The following TPGS1 variants were observed in gnomAD, a reference collection of about 807,000 sequenced individuals.
TPGS1 encodes the protein gene trap ROSA b-geo 22.
A neutral mutation model predicts 11.9 loss-of-function variants in TPGS1; 18 were observed. The ratio of observed to expected loss-of-function variants is 1.51; its 90% CI spans 1.04 to 2.24. The LOEUF is 2.24. Among genes scored for constraint, TPGS1 ranks in the 30% most tolerant of loss-of-function variants. TPGS1 has a pLI of 0.00. For missense variants in TPGS1, 500 were observed against 443.0 expected (o/e 1.13, Z -1.16); for synonymous variants, 247 against 218.2 (o/e 1.13, Z -1.16).
In TPGS1 at chr19:511,782, G is replaced by A. The variant is rs571100770; in HGVS notation, c.338+3938G>A. On this transcript the variant is annotated intron_variant, in intron 1 of 1. Transcript: ENST00000359315. ...CACAGACCTGTCAGTCAGAAGCTGC[G>A]AGCACGACAGGAACCAACAACCCCA... is the stretch of plus-strand genomic sequence containing the variant. 3.7e-4 allele frequency among the ~76,000 whole-genome samples: 56 copies of A among 152,338 alleles called. 1 individual carries two copies. In the South Asian group the frequency reaches 9.5e-3, roughly 26 times the overall value.
intron 1 of TPGS1, among the ~76,000 whole-genome samples, chr19:515,043 G>C (rs935834108): frequency 6.6e-6 from 1 of 152,234 alleles, no homozygotes; most frequent in African/African-American, 2.4e-5. Context: ...GGGCCAGATA[G>C]TGAACATTTC....
chr19:519,470 C>A lies in TPGS1; in HGVS notation c.*47C>A. The stretch of plus-strand genomic sequence containing the variant: ...CGGGATCTGCGCTGGGGGGTCCCCG[C>A]GTGCGGGGCGCGCGGAGCCTTCCCT... On this transcript the variant is annotated 3_prime_UTR_variant, in exon 2 of 2. Coordinates refer to ENST00000359315, the MANE Select transcript of TPGS1 (RefSeq NM_033513.3). 2 of 1,180,262 alleles carry A rather than the reference C, an allele frequency of 1.7e-6. No individual in the cohort carries two copies. Among genetic ancestry groups the A allele is most frequent in the Non-Finnish European group, 2.1e-6 (2 of 953,758 alleles). 73.1% of individuals were successfully genotyped at this position (1,180,262 alleles called of 1,614,324 possible).
At chr19:507,979 T>C (rs1978676549) in intron 1 of TPGS1, 135 bp downstream of exon 1, 1 of 643,416 alleles carries the variant, frequency 1.6e-6, no homozygotes, top group Non-Finnish European at 2.3e-6. Context: ...CGATGCCTTC[T>C]TGGGTGGGAT....
intron 1 of TPGS1, among the ~76,000 whole-genome samples, chr19:512,172 A>G (rs570488552): frequency 1.4e-5 from 2 of 147,186 alleles, no homozygotes; most frequent in Non-Finnish European, 3.0e-5. Flanking sequence ...TGCCTGGCCC[A>G]GTTTTCTTTT....
intron 1 of TPGS1, among the ~76,000 whole-genome samples, chr19:511,975 C>G (rs1413624790): frequency 6.6e-6 from 1 of 152,130 alleles, no homozygotes; most frequent in Admixed American, 6.5e-5. Context: ...GGGTTGACGC[C>G]ATTCTCCTGC....
At chr19:512,577 C>T (rs1221739932) in intron 1 of TPGS1, among the ~76,000 whole-genome samples, 1 of 152,254 alleles carries the variant, frequency 6.6e-6, no homozygotes, top group Non-Finnish European at 1.5e-5. Flanking sequence ...AAGTGGGCCA[C>T]GCCCCCTCGC....
chr19:511,329 G>A (rs1978788628), intron 1 of TPGS1, among the ~76,000 whole-genome samples: 1 of 152,268 alleles, frequency 6.6e-6, no homozygotes, highest in Non-Finnish European at 1.5e-5. Flanking sequence ...CTTGAAGTGG[G>A]CTGTCACCTT....
Position 519,448 on chromosome 19 carries a change from G to T in TPGS1, c.*25G>T. ...AGGCCCGTGGGCCGCGCGGATCCGG[G>T]ATCTGCGCTGGGGGGTCCCCGCGTG... On this transcript the variant is annotated 3_prime_UTR_variant, in exon 2 of 2. Coordinates refer to ENST00000359315, the MANE Select transcript of TPGS1 (RefSeq NM_033513.3). 1 of 1,200,550 alleles carries T rather than the reference G, an allele frequency of 8.3e-7. No homozygotes were observed. The highest frequency in any genetic ancestry group is 1.0e-6 in the Non-Finnish European group (1 of 966,762). The allele number at this position is 1,200,550 out of a possible 1,614,324, so 74.4% of individuals were successfully genotyped here. A position where few individuals can be genotyped will look rare whatever the true frequency, so the allele number is the denominator to read the frequency against.
chr19:518,989 C>T lies in TPGS1; in HGVS notation c.439C>T (p.Leu147Phe). The T allele has an allele frequency of 6.3e-7, 1 of 1,581,764 alleles. No homozygotes were observed. Among genetic ancestry groups the T allele is most frequent in the Non-Finnish European group, 8.5e-7 (1 of 1,171,450 alleles). Residue 147 changes from leucine to phenylalanine, a missense_variant, in exon 2 of 2, where the codon CTC becomes TTC. Leu to Phe is a conservative substitution (Grantham distance 22). Transcript: ENST00000359315. ...GLDGRTYSEL[L>F]RRICRDGQAP... ...GGACGGGCGCACCTACAGCGAGCTG[C>T]TCAGGCGCATCTGCCGGGACGGCCA...
At chr19:518,468 A>T (rs1194154871) in intron 1 of TPGS1, among the ~76,000 whole-genome samples, 2 of 22,672 alleles carry the variant, frequency 8.8e-5, no homozygotes, top group Admixed American at 6.2e-4. Context: ...CAGGGCTGGG[A>T]GGGGGCTGAG....
rs544667176 is a variant in TPGS1 at position 512,586 on chromosome 19, G to C, written c.338+4742G>C. ...CGCTGAAAGTGGGCCACGCCCCCTCGCACGTTTCAGGGGGCAAAGCAAGGC... is the reference window on the plus strand; with the variant it reads ...CGCTGAAAGTGGGCCACGCCCCCTCCCACGTTTCAGGGGGCAAAGCAAGGC... On this transcript the variant is annotated intron_variant, in intron 1 of 1. Coordinates refer to ENST00000359315, the MANE Select transcript of TPGS1 (RefSeq NM_033513.3). Among the ~76,000 whole-genome samples the C allele has an allele frequency of 1.4e-4, 22 of 152,334 alleles. No homozygotes were observed. In the East Asian group the frequency reaches 3.3e-3, roughly 23 times the overall value.
Position 519,061 on chromosome 19 carries a change from C to G in TPGS1, c.511C>G (p.Arg171Gly), listed in dbSNP as rs576983943. 86 of 1,539,642 alleles carry G rather than the reference C, an allele frequency of 5.6e-5. 1 individual carries two copies. Among genetic ancestry groups the G allele is most frequent in the Non-Finnish European group, 7.4e-5 (85 of 1,149,310 alleles). ...VAPLLRKVQC[R>G]DHEAVPLSVF... ...GCCGCTGCTGCGCAAGGTGCAGTGC[C>G]GTGACCACGAGGCGGTGCCGCTGAG... The change falls in exon 2 of 2, where the codon CGT (arginine) becomes GGT (glycine). Residue 171 changes from arginine (R) to glycine (G), a missense_variant. By Grantham distance (125) the Arg-to-Gly change is moderately radical. Coordinates refer to ENST00000359315, the MANE Select transcript of TPGS1 (RefSeq NM_033513.3).
In TPGS1 at chr19:507,788, G is replaced by A. The variant is rs1296921178; in HGVS notation, c.282G>A (p.Gln94=). 2.2e-6 allele frequency: 3 copies of A among 1,387,538 alleles called. No homozygotes were observed. Among genetic ancestry groups the A allele is most frequent in the South Asian group, 1.6e-5 (1 of 62,956 alleles). 86.0% of individuals were successfully genotyped at this position (1,387,538 alleles called of 1,614,324 possible). A position where few individuals can be genotyped will look rare whatever the true frequency, so the allele number is the denominator to read the frequency against. The change falls in exon 1 of 2, where the codon CAG becomes CAA. Residue 94 remains glutamine, a synonymous_variant. Coordinates refer to ENST00000359315, the MANE Select transcript of TPGS1 (RefSeq NM_033513.3). Reference sequence around the variant, plus strand: ...AGCCCCCGGGCCAGCTCCTGCTGCAGCAGCAGCGCCTGGGCCGCGCGCTAT... The same window carrying A: ...AGCCCCCGGGCCAGCTCCTGCTGCAACAGCAGCGCCTGGGCCGCGCGCTAT... ...AGEPPGQLLL[Q]QQRLGRALWH...
At chr19:516,693 A>G (rs1408428372) in intron 1 of TPGS1, among the ~76,000 whole-genome samples, 1 of 152,164 alleles carries the variant, frequency 6.6e-6, no homozygotes, top group Non-Finnish European at 1.5e-5. Context: ...AACATTTCTC[A>G]CATCTTGAGA....
chr19:516,060 G>GA (rs2145834350), intron 1 of TPGS1, among the ~76,000 whole-genome samples: 1 of 151,254 alleles, frequency 6.6e-6, no homozygotes, highest in Admixed American at 6.6e-5. Flanking sequence ...AAGAAAGAAA[G>GA]AAAGAAAAGA....
At chr19:513,246 G>T (rs532036895) in intron 1 of TPGS1, among the ~76,000 whole-genome samples, 1 of 152,332 alleles carries the variant, frequency 6.6e-6, no homozygotes, top group East Asian at 1.9e-4. Flanking sequence ...CACTGCGACT[G>T]CCCCCAGCGC....
chr19:519,281 G>C lies in TPGS1; in HGVS notation c.731G>C (p.Gly244Ala). The C allele has an allele frequency of 8.4e-7, 1 of 1,192,878 alleles. No individual in the cohort carries two copies. Among genetic ancestry groups the C allele is most frequent in the Non-Finnish European group, 1.0e-6 (1 of 964,424 alleles). 73.9% of individuals were successfully genotyped at this position (1,192,878 alleles called of 1,614,324 possible). ...GCGCCCGCGCGCTTCCTGGAGGCCG[G>C]CTCGCGCTTGGGGCCCGACAGCCTG... is the stretch of plus-strand genomic sequence containing the variant. ...AAAPARFLEA[G>A]SRLGPDSLAL... The change falls in exon 2 of 2, where the codon GGC becomes GCC. Residue 244 changes from glycine (G) to alanine (A), a missense_variant. Gly to Ala is a moderately conservative substitution (Grantham distance 60, BLOSUM62 0). Transcript: ENST00000359315.
intron 1 of TPGS1, among the ~76,000 whole-genome samples, chr19:516,171 T>C (rs1282509402): frequency 1.3e-5 from 2 of 152,280 alleles, no homozygotes; most frequent in Non-Finnish European, 2.9e-5. Flanking sequence ...GTCCTGGTGT[T>C]GTGGGACAAA....
chr19:513,228 C>G (rs968680433), intron 1 of TPGS1, among the ~76,000 whole-genome samples: 1 of 152,212 alleles, frequency 6.6e-6, no homozygotes, highest in African/African-American at 2.4e-5. Flanking sequence ...CTCGGGCCGC[C>G]GCGCTGACAC....
Sources: allele counts gnomAD v4.1 joint callset (sites outside exome capture counted in the v4.1 genomes callset), GRCh38; gene constraint gnomAD v4.1.1; transcripts MANE v1.5; gene names NCBI Gene and HGNC (gene_info 2026-07-23, HGNC 2026-07-21).